Variants in FAT3 observed in about 807,000 individuals in gnomAD.
FAT3 encodes protocadherin Fat 3.
A neutral mutation model predicts 310.2 loss-of-function variants in FAT3; 95 were observed. The ratio of observed to expected loss-of-function variants is 0.31; its 90% CI spans 0.26 to 0.36. FAT3 has a LOEUF of 0.36. Ranked by LOEUF, FAT3 falls within the 10% of genes least tolerant of loss-of-function variation. FAT3 has a pLI of 1.00. For missense variants in FAT3, 5,408 were observed against 5,715.6 expected, an observed-to-expected ratio of 0.95 and a Z score of 1.74; for synonymous variants, 2,314 against 2,192.9, an observed-to-expected ratio of 1.06 and a Z score of -1.54.
At chr11:92,452,960 G>A (rs1209388696) in intron 2 of FAT3, among the ~76,000 whole-genome samples, 2 of 152,004 alleles carry the variant, frequency 1.3e-5, no homozygotes, top group Non-Finnish European at 2.9e-5. Context: ...TTTTTGTAGA[G>A]ATGGGGTTTC....
At chr11:92,455,513 G>A (rs1288303174) in intron 2 of FAT3, among the ~76,000 whole-genome samples, 1 of 152,140 alleles carries the variant, frequency 6.6e-6, no homozygotes, top group Admixed American at 6.6e-5. Flanking sequence ...CAATCAAACT[G>A]AGCAGACAAG....
intron 1 of FAT3, among the ~76,000 whole-genome samples, chr11:92,293,512 T>TTA (rs1195340265): frequency 0.024 from 1,624 of 67,692 alleles, 15 homozygotes; most frequent in East Asian, 0.053. Flanking sequence ...GAACCTCAGA[T>TTA]TATATATATA....
At chr11:92,715,332 C>G (rs1312303305) in intron 4 of FAT3, among the ~76,000 whole-genome samples, 2 of 151,604 alleles carry the variant, frequency 1.3e-5, no homozygotes, top group African/African-American at 4.8e-5. Flanking sequence ...GGTGTGAACC[C>G]GGGAGGCAGA....
chr11:92,512,925 A>G (rs1180658696), intron 2 of FAT3, among the ~76,000 whole-genome samples: 1 of 89,636 alleles, frequency 1.1e-5, no homozygotes, highest in Non-Finnish European at 2.2e-5. Flanking sequence ...GATCGAGACC[A>G]TCCTGGCTAA....
chr11:92,786,562 C>G (rs896107705), intron 7 of FAT3, among the ~76,000 whole-genome samples: 1 of 151,828 alleles, frequency 6.6e-6, no homozygotes, highest in East Asian at 1.9e-4. Context: ...TGCCGTTTCT[C>G]ATCTATCAGA....
At chr11:92,523,861 C>T (rs147318748) in intron 2 of FAT3, among the ~76,000 whole-genome samples, 1 of 152,242 alleles carries the variant, frequency 6.6e-6, no homozygotes, top group East Asian at 1.9e-4. Context: ...ATCTGATTTC[C>T]TGGTTGGCAC....
intron 3 of FAT3, among the ~76,000 whole-genome samples, chr11:92,525,380 G>A (rs915908890): frequency 6.6e-6 from 1 of 152,062 alleles, no homozygotes; most frequent in Admixed American, 6.5e-5. Context: ...ATGTTTTTGC[G>A]ATTCCTGTAC....
chr11:92,832,500 G>C (rs1280436873), intron 14 of FAT3, among the ~76,000 whole-genome samples: 3 of 151,964 alleles, frequency 2.0e-5, no homozygotes, highest in African/African-American at 7.2e-5. Flanking sequence ...GTGCCCTCCA[G>C]CTTCTAAAGA....
At chr11:92,505,201 G>A (rs371571258) in intron 2 of FAT3, among the ~76,000 whole-genome samples, 6 of 152,206 alleles carry the variant, frequency 3.9e-5, no homozygotes, top group East Asian at 1.9e-4. Flanking sequence ...TGCTACCTCC[G>A]TTGAACCAAT....
At chr11:92,519,124 C>T (rs1953596971) in intron 2 of FAT3, among the ~76,000 whole-genome samples, 1 of 152,076 alleles carries the variant, frequency 6.6e-6, no homozygotes. Flanking sequence ...AGTTGGAAGA[C>T]TTACACTTCC....
At chr11:92,649,544 G>A (rs995263337) in intron 3 of FAT3, among the ~76,000 whole-genome samples, 2 of 152,082 alleles carry the variant, frequency 1.3e-5, no homozygotes, top group Non-Finnish European at 2.9e-5. Context: ...GTGGGTCCCT[G>A]CTCTGGATGT....
intron 3 of FAT3, among the ~76,000 whole-genome samples, chr11:92,606,379 C>A (rs1469287768): frequency 6.6e-6 from 1 of 152,120 alleles, no homozygotes. Context: ...GCATGCATGA[C>A]CTTCTAGGAG....
intron 3 of FAT3, among the ~76,000 whole-genome samples, chr11:92,536,607 A>G (rs1954268700): frequency 6.6e-6 from 1 of 152,206 alleles, no homozygotes; most frequent in African/African-American, 2.4e-5. Context: ...TTATCTGCAT[A>G]TGGACGGAAT....
At chr11:92,250,838 G>T (rs1865107574) in intron 1 of FAT3, among the ~76,000 whole-genome samples, 1 of 152,082 alleles carries the variant, frequency 6.6e-6, no homozygotes, top group Non-Finnish European at 1.5e-5. Flanking sequence ...GCAGGAAGAG[G>T]ACAAGAAATG....
intron 3 of FAT3, among the ~76,000 whole-genome samples, chr11:92,658,834 C>T (rs1591574950): frequency 6.6e-6 from 1 of 152,104 alleles, no homozygotes; most frequent in Non-Finnish European, 1.5e-5. Context: ...TCAGCATAAG[C>T]CCTGTTCAAT....
chr11:92,743,598 C>T (rs901956080), intron 4 of FAT3, among the ~76,000 whole-genome samples: 1 of 152,234 alleles, frequency 6.6e-6, no homozygotes. Flanking sequence ...CCCACATTCA[C>T]TGTTGCCAAG....
chr11:92,776,934 C>T (rs1286731077), intron 7 of FAT3, among the ~76,000 whole-genome samples: 2 of 152,218 alleles, frequency 1.3e-5, no homozygotes, highest in Non-Finnish European at 2.9e-5. Context: ...GCCTCTCTCA[C>T]ACTTACCACG....
intron 22 of FAT3, 31 bp downstream of exon 22, chr11:92,867,240 T>A: frequency 6.6e-7 from 1 of 1,515,642 alleles, no homozygotes; most frequent in South Asian, 1.2e-5. Context: ...GGCACTGGCC[T>A]GGGGGTTTGA....
chr11:92,320,375 A>T (rs1947581576), intron 1 of FAT3, among the ~76,000 whole-genome samples: 2 of 152,210 alleles, frequency 1.3e-5, no homozygotes, highest in Admixed American at 1.3e-4. Flanking sequence ...GCATATTGAC[A>T]TTTATGGAAC....
Sources: allele counts gnomAD v4.1 joint callset (sites outside exome capture counted in the v4.1 genomes callset), GRCh38; gene constraint gnomAD v4.1.1; transcripts MANE v1.5; gene names NCBI Gene and HGNC (gene_info 2026-07-23, HGNC 2026-07-21).